The following CAST variants were observed in gnomAD, a reference collection of about 807,000 sequenced individuals.
CAST encodes the protein MIR583 host.
A neutral mutation model predicts 119.6 loss-of-function variants in CAST; 76 were observed. The ratio of observed to expected loss-of-function variants is 0.64; its 90% CI spans 0.53 to 0.77. The LOEUF (loss-of-function observed/expected upper bound fraction) is 0.77. CAST is among the 30% of genes least tolerant of loss of function. The probability of loss-of-function intolerance (pLI) is 0.00; values close to 1 mark genes in which losing one functional copy is unlikely to be tolerated. For missense variants in CAST, 953 were observed against 946.5 expected (o/e 1.01, Z -0.09); for synonymous variants, 319 against 331.6 (o/e 0.96, Z 0.41).
chr5:96,151,174 G>T, the CAST span, among the ~76,000 whole-genome samples: 1 of 152,160 alleles, frequency 6.6e-6, no homozygotes, highest in Non-Finnish European at 1.5e-5. Flanking sequence ...GATAGCTATG[G>T]GACTGGTGGA....
In CAST at chr5:96,750,655, G is replaced by A. The variant is rs773102018; in HGVS notation, c.1497G>A (p.Gln499=). Reference sequence around the variant, plus strand: ...GTCGGACCTCCATGTGTAGTATACAGTCAGCACCCCCTGAGCCGGCTACCT... The same window carrying A: ...GTCGGACCTCCATGTGTAGTATACAATCAGCACCCCCTGAGCCGGCTACCT... ...AVCRTSMCSI[Q]SAPPEPATLK... The change falls in exon 20 of 32, where the codon CAG becomes CAA. Residue 499 remains glutamine, a synonymous_variant. Transcript: ENST00000675179. 21 of 1,613,148 alleles carry A rather than the reference G, an allele frequency of 1.3e-5. No homozygotes were observed. The highest frequency in any genetic ancestry group is 5.0e-5 in the Admixed American group (3 of 59,962).
chr5:96,640,706 A>G (rs1747939722), intron 1 of CAST, among the ~76,000 whole-genome samples: 1 of 152,210 alleles, frequency 6.6e-6, no homozygotes, highest in South Asian at 2.1e-4. Context: ...AATGCCCTTT[A>G]GAATTGTCCA....
the CAST span, among the ~76,000 whole-genome samples, chr5:96,261,252 C>T: frequency 6.6e-6 from 1 of 152,192 alleles, no homozygotes; most frequent in Non-Finnish European, 1.5e-5. Flanking sequence ...GTTGTTCTGC[C>T]ATGGGCAGGT....
intron 1 of CAST, among the ~76,000 whole-genome samples, chr5:96,606,259 T>C (rs1462589922): frequency 2.6e-5 from 4 of 151,604 alleles, no homozygotes; most frequent in Non-Finnish European, 5.9e-5. Flanking sequence ...AACAGAGAAA[T>C]GGGAAAGAGG....
the CAST span, among the ~76,000 whole-genome samples, chr5:96,247,397 A>G: frequency 0.014 from 2,080 of 152,348 alleles, 19 homozygotes; most frequent in Non-Finnish European, 0.022. Context: ...TTACTGGTGC[A>G]TGGCTGTGTT....
At chr5:96,320,398 C>A in the CAST span, among the ~76,000 whole-genome samples, 1 of 151,848 alleles carries the variant, frequency 6.6e-6, no homozygotes, top group South Asian at 2.1e-4. Flanking sequence ...CCACCACACC[C>A]GGCCAATTTT....
At chr5:96,232,161 A>G in the CAST span, among the ~76,000 whole-genome samples, 1 of 152,134 alleles carries the variant, frequency 6.6e-6, no homozygotes, top group African/African-American at 2.4e-5. Context: ...TTTGGGGAGA[A>G]GATACTTACA....
At chr5:96,594,317 C>T (rs1747016153) in intron 1 of CAST, among the ~76,000 whole-genome samples, 1 of 152,190 alleles carries the variant, frequency 6.6e-6, no homozygotes, top group African/African-American at 2.4e-5. Flanking sequence ...GCTTGCAGTT[C>T]ATTACTCATT....
At chr5:96,469,095 A>C in the CAST span, among the ~76,000 whole-genome samples, 4 of 152,094 alleles carry the variant, frequency 2.6e-5, no homozygotes, top group Non-Finnish European at 5.9e-5. Flanking sequence ...ACTGAAATAG[A>C]CAGCAGGTGA....
At position 96,554,842 on chromosome 5, in the gene CAST, A is replaced by C. The variant is rs1746203062; in HGVS notation, c.60+24962A>C. 3.9e-5 allele frequency among the ~76,000 whole-genome samples: 6 copies of C among 152,332 alleles called. No individual in the cohort carries two copies. The South Asian group carries it at 1.2e-3, about 32-fold the overall frequency. ...GGTCATTAGAAAAATGCAAATCAAAACCACAATGAGATACCATCTCACAGC... is the reference window on the plus strand; with the variant it reads ...GGTCATTAGAAAAATGCAAATCAAACCCACAATGAGATACCATCTCACAGC... On this transcript the variant is annotated intron_variant, in intron 1 of 11. Transcript: ENST00000505143.
intron 1 of CAST, among the ~76,000 whole-genome samples, chr5:96,656,454 T>C (rs1297364166): frequency 6.6e-6 from 1 of 152,204 alleles, no homozygotes; most frequent in Admixed American, 6.5e-5. Flanking sequence ...AGCTCAGCCC[T>C]CTTCTGTCTC....
chr5:96,247,517 G>A, the CAST span, among the ~76,000 whole-genome samples: 3 of 152,232 alleles, frequency 2.0e-5, no homozygotes, highest in South Asian at 6.2e-4. Context: ...GCAGATTGAC[G>A]TGTAACATGT....
the CAST span, among the ~76,000 whole-genome samples, chr5:96,155,608 G>A: frequency 3.5e-4 from 53 of 152,224 alleles, no homozygotes; most frequent in African/African-American, 1.1e-3. Context: ...CTCACACAGC[G>A]TCACCAGGGG....
chr5:96,268,642 T>A, the CAST span, among the ~76,000 whole-genome samples: 1 of 152,072 alleles, frequency 6.6e-6, no homozygotes, highest in African/African-American at 2.4e-5. Flanking sequence ...CATAGCTGAA[T>A]GGATAAAGAA....
chr5:96,065,465 C>T, the CAST span, among the ~76,000 whole-genome samples: 1 of 151,330 alleles, frequency 6.6e-6, no homozygotes, highest in African/African-American at 2.4e-5. Flanking sequence ...ATTAATTGAG[C>T]TGTATGTTTA....
At chr5:96,395,098 A>C in the CAST span, 1 of 1,166,064 alleles carries the variant, frequency 8.6e-7, no homozygotes, top group South Asian at 1.2e-5. Context: ...AAATAGCTAA[A>C]AAGGATTTCA....
the CAST span, among the ~76,000 whole-genome samples, chr5:96,479,990 GT>G: frequency 0.01 from 1,558 of 152,230 alleles, 28 homozygotes; most frequent in South Asian, 0.058. Context: ...GGGATTCTGG[GT>G]TTATCAAGAA....
chr5:95,978,252 T>C, the CAST span, among the ~76,000 whole-genome samples: 1 of 152,236 alleles, frequency 6.6e-6, no homozygotes, highest in Non-Finnish European at 1.5e-5. Flanking sequence ...TGAACTAATT[T>C]ACACTTTTAC....
At position 96,757,476 on chromosome 5, in the gene CAST, GTC is replaced by G. The variant is rs1766568906; in HGVS notation, c.1745_1746del (p.Ser582Ter). ...KDGKPLLPKE[S>X]KEQLPPMSED... ...ATGGAAAGCCACTCCTGCCAAAAGA[GTC>G]TAAGGAACAGCTTCCAGTAAGCAAA... On this transcript the variant is annotated frameshift_variant, in exon 23 of 32. Coordinates refer to ENST00000675179, the MANE Select transcript of CAST (RefSeq NM_001750.7). LOFTEE classifies it high-confidence loss of function. 6.2e-7 allele frequency: 1 copy of G among 1,613,980 alleles called. No homozygotes were observed.
Sources: gnomAD v4.1 joint callset for allele counts (sites outside exome capture counted in the v4.1 genomes callset) on GRCh38, gnomAD v4.1.1 for gene constraint, MANE v1.5 for transcripts, NCBI Gene and HGNC (gene_info 2026-07-23, HGNC 2026-07-21) for gene names.